Variants in ANKRD44 observed in about 807,000 individuals in gnomAD.
ANKRD44 encodes the protein ankyrin repeat domain 44, also known as serine/threonine-protein phosphatase 6 regulatory ankyrin repeat subunit B.
Under a neutral mutation model 116.0 loss-of-function variants are expected in ANKRD44, and 35 were observed. The ratio of observed to expected loss-of-function variants is 0.30; its 90% CI spans 0.23 to 0.40. The LOEUF (loss-of-function observed/expected upper bound fraction) is 0.40. ANKRD44 is among the 10% of genes least tolerant of loss of function. The pLI is 1.00. For missense variants in ANKRD44, 1,014 were observed against 1,242.6 expected, an observed-to-expected ratio of 0.82 and a Z score of 2.77; for synonymous variants, 435 against 461.8, an observed-to-expected ratio of 0.94 and a Z score of 0.74.
rs1461450756 is a variant in ANKRD44 at position 197,126,050 on chromosome 2, CAG to C, written c.262-15_262-14del. On this transcript the variant is annotated splice_polypyrimidine_tract_variant and intron_variant, in intron 4 of 27. Transcript: ENST00000282272. ...CCTGTACTGCTTCCTACAACAAAAG[CAG>C]AGTTTGCAGAGGTCACTGACAGACG... The C allele has an allele frequency of 1.2e-6, 2 of 1,613,924 alleles. No individual in the cohort carries two copies. Among genetic ancestry groups the C allele is most frequent in the Non-Finnish European group, 1.7e-6 (2 of 1,179,888 alleles).
rs1016109005 is a variant in ANKRD44, at chr2:197,297,312, A to G, written c.27+13266T>C. On this transcript the variant is annotated intron_variant, in intron 1 of 27. Transcript: ENST00000282272. Reference sequence around the variant, plus strand: ...TAAAACAAACAAACTCTTTCTACCAATGTTGTTTAAGTGAGAGAGAGAAAG... The same window carrying G: ...TAAAACAAACAAACTCTTTCTACCAGTGTTGTTTAAGTGAGAGAGAGAAAG... 2.6e-5 allele frequency among the ~76,000 whole-genome samples: 4 copies of G among 152,338 alleles called. No homozygotes were observed. In the East Asian group the frequency reaches 5.8e-4, roughly 22 times the overall value.
chr2:196,991,641 T>TG (rs1392935360), intron 27 of ANKRD44, among the ~76,000 whole-genome samples: 1 of 152,108 alleles, frequency 6.6e-6, no homozygotes, highest in Non-Finnish European at 1.5e-5. Flanking sequence ...TGTAGTGGCA[T>TG]GGGGCCTTGA....
chr2:197,012,075 G>T (rs1440398821), intron 18 of ANKRD44, among the ~76,000 whole-genome samples: 2 of 152,024 alleles, frequency 1.3e-5, no homozygotes, highest in African/African-American at 4.8e-5. Flanking sequence ...TCAAAATATT[G>T]GCCTCTCAAA....
Position 197,156,590 on chromosome 2 carries a change from C to A in ANKRD44, c.112-9485G>T, listed in dbSNP as rs2079821458. On this transcript the variant is annotated intron_variant, in intron 2 of 27. Coordinates refer to ENST00000282272, the MANE Select transcript of ANKRD44 (RefSeq NM_001195144.2). ...TACAACTACCATATAAGCTAGGTATCGTACCCTTGGGTATTTACTGGAAAG... is the reference window on the plus strand; with the variant it reads ...TACAACTACCATATAAGCTAGGTATAGTACCCTTGGGTATTTACTGGAAAG... 2.0e-5 allele frequency among the ~76,000 whole-genome samples: 3 copies of A among 152,176 alleles called. No individual in the cohort carries two copies. The South Asian group carries it at 6.2e-4, about 31-fold the overall frequency.
chr2:197,280,428 A>G (rs1054066458), intron 1 of ANKRD44, among the ~76,000 whole-genome samples: 2 of 151,868 alleles, frequency 1.3e-5, no homozygotes, highest in Non-Finnish European at 2.9e-5. Flanking sequence ...CCAAATTACC[A>G]AAAGCTCAAC....
At chr2:197,023,480 C>T (rs1219080910) in intron 17 of ANKRD44, among the ~76,000 whole-genome samples, 1 of 152,114 alleles carries the variant, frequency 6.6e-6, no homozygotes, top group African/African-American at 2.4e-5. Flanking sequence ...AAGCCCACCT[C>T]TTTTAAATGA....
chr2:196,997,218 A>G (rs1333592902), intron 25 of ANKRD44, among the ~76,000 whole-genome samples: 1 of 151,844 alleles, frequency 6.6e-6, no homozygotes, highest in East Asian at 1.9e-4. Flanking sequence ...AGAGATACTG[A>G]ACTTGTACTA....
Position 197,266,892 on chromosome 2 carries a change from T to C in ANKRD44, c.27+43686A>G, listed in dbSNP as rs575122808. ...AATGTCCTATACGGTCTGTTAAAAA[T>C]AATAAAGGCAAAAAGCTTGACCGTC... is the stretch of plus-strand genomic sequence containing the variant. On this transcript the variant is annotated intron_variant, in intron 1 of 27. Coordinates refer to ENST00000282272, the MANE Select transcript of ANKRD44 (RefSeq NM_001195144.2). Among the ~76,000 whole-genome samples, 3 of 152,230 alleles carry C rather than the reference T, an allele frequency of 2.0e-5. No individual in the cohort carries two copies. The South Asian group carries it at 6.2e-4, about 32-fold the overall frequency.
rs775037642 is a variant in ANKRD44, at chr2:196,995,417, G to A, written c.2793C>T (p.Asp931=). 17 of 1,611,602 alleles carry A rather than the reference G, an allele frequency of 1.1e-5. No individual in the cohort carries two copies. Among genetic ancestry groups the A allele is most frequent in the Admixed American group, 1.7e-5 (1 of 59,802 alleles). The part of the protein sequence containing the change: ...CALLILDKIQ[D]ESLINEKNNA... ...TATTTTTTTCATTAATAAGGCTCTCGTCTTGTATCTTGTCAAGTATTAACA... is the reference window on the plus strand; with the variant it reads ...TATTTTTTTCATTAATAAGGCTCTCATCTTGTATCTTGTCAAGTATTAACA... The change falls in exon 26 of 28, where the codon GAC becomes GAT. Residue 931 remains aspartate, a synonymous_variant. Transcript: ENST00000282272.
At position 197,248,578 on chromosome 2, in the gene ANKRD44, GTA is replaced by G. The variant is rs377124357; in HGVS notation, c.28-61474_28-61473del. 6.4e-4 allele frequency among the ~76,000 whole-genome samples: 92 copies of G among 144,254 alleles called. 2 individuals carry two copies. Among genetic ancestry groups the G allele is most frequent in the African/African-American group, 2.3e-3 (86 of 37,260 alleles). 94.6% of individuals were successfully genotyped at this position (144,254 alleles called of 152,430 possible). A position where few individuals can be genotyped will look rare whatever the true frequency, so the allele number is the denominator to read the frequency against. ...TATGTGTGTGTGTGTGTGTGTGTGT[GTA>G]TATATATATATAAAGAGAGAGATTG... is the stretch of plus-strand genomic sequence containing the variant. On this transcript the variant is annotated intron_variant, in intron 1 of 27. Coordinates refer to ENST00000282272, the MANE Select transcript of ANKRD44 (RefSeq NM_001195144.2).
In ANKRD44 at chr2:196,988,356, A is replaced by T. The variant is rs1243569581; in HGVS notation, c.*1235T>A. ...GGTCATTATTGCTCATTAGCAATTTATCTGCTTTTTAAAAATTCATCTTCT... is the reference window on the plus strand; with the variant it reads ...GGTCATTATTGCTCATTAGCAATTTTTCTGCTTTTTAAAAATTCATCTTCT... On this transcript the variant is annotated 3_prime_UTR_variant, in exon 28 of 28. Transcript: ENST00000282272. 20 of 985,336 alleles carry T rather than the reference A, an allele frequency of 2.0e-5. No individual in the cohort carries two copies. Among genetic ancestry groups the T allele is most frequent in the Middle Eastern group, 5.2e-4 (1 of 1,936 alleles). The allele number at this position is 985,336 out of a possible 1,614,324, so 61.0% of individuals were successfully genotyped here.
At chr2:197,062,559 G>C (rs2077339095) in intron 16 of ANKRD44, among the ~76,000 whole-genome samples, 1 of 152,150 alleles carries the variant, frequency 6.6e-6, no homozygotes, top group Non-Finnish European at 1.5e-5. Flanking sequence ...AAGCGCAAGG[G>C]GTCAGGGAAT....
chr2:197,124,684 T>C (rs941109376), intron 6 of ANKRD44, among the ~76,000 whole-genome samples: 24 of 152,312 alleles, frequency 1.6e-4, no homozygotes, highest in African/African-American at 5.5e-4. Context: ...ATCCTGTCTA[T>C]TTTTCTAATG....
intron 21 of ANKRD44, among the ~76,000 whole-genome samples, chr2:197,003,189 T>C (rs893927319): frequency 1.3e-5 from 2 of 151,610 alleles, no homozygotes; most frequent in Non-Finnish European, 2.9e-5. Context: ...TGCCTGTCTG[T>C]AGTTCCAGCT....
At chr2:197,064,459 C>T (rs2077387841) in intron 16 of ANKRD44, among the ~76,000 whole-genome samples, 1 of 152,106 alleles carries the variant, frequency 6.6e-6, no homozygotes, top group Non-Finnish European at 1.5e-5. Flanking sequence ...CAATATTAAG[C>T]TTAAACGTAA....
At chr2:197,130,152 T>C (rs1009148321) in intron 4 of ANKRD44, among the ~76,000 whole-genome samples, 1 of 152,238 alleles carries the variant, frequency 6.6e-6, no homozygotes, top group Non-Finnish European at 1.5e-5. Context: ...ACTGTAATCA[T>C]AGCAATTTCA....
intron 2 of ANKRD44, among the ~76,000 whole-genome samples, chr2:197,183,731 G>A (rs1559131424): frequency 1.3e-5 from 2 of 152,044 alleles, no homozygotes; most frequent in Non-Finnish European, 2.9e-5. Flanking sequence ...CCCAAAAAGT[G>A]GTAACATCAA....
Position 197,110,780 on chromosome 2 carries a change from G to T in ANKRD44, c.971C>A (p.Thr324Asn). 2 of 1,613,508 alleles carry T rather than the reference G, an allele frequency of 1.2e-6. No individual in the cohort carries two copies. Among genetic ancestry groups the T allele is most frequent in the Non-Finnish European group, 1.7e-6 (2 of 1,179,498 alleles). ...ATCTCTCTTACCATTCTGAATGAGG[G>T]TCTGTGACCGTGTGAACCTTCCATG... is the stretch of plus-strand genomic sequence containing the variant. ...AVHGRFTRSQTLIQNGGEIDC... is the reference protein window; with the variant it reads ...AVHGRFTRSQNLIQNGGEIDC... The change falls in exon 9 of 28, where the codon ACC becomes AAC. Residue 324 changes from threonine to asparagine, a missense_variant. Coordinates refer to ENST00000282272, the MANE Select transcript of ANKRD44 (RefSeq NM_001195144.2).
At chr2:197,259,052 C>G (rs982709378) in intron 1 of ANKRD44, among the ~76,000 whole-genome samples, 3 of 152,224 alleles carry the variant, frequency 2.0e-5, no homozygotes, top group African/African-American at 7.2e-5. Flanking sequence ...GCAGCCTAGA[C>G]AGAAAGACAT....
Sources: gnomAD v4.1 joint callset for allele counts (sites outside exome capture counted in the v4.1 genomes callset) on GRCh38, gnomAD v4.1.1 for gene constraint, MANE v1.5 for transcripts, NCBI Gene and HGNC (gene_info 2026-07-23, HGNC 2026-07-21) for gene names.